The following ITGB6 variants were observed in gnomAD, a reference collection of about 807,000 sequenced individuals.
ITGB6 encodes integrin beta-6.
Under a neutral mutation model 84.5 loss-of-function variants are expected in ITGB6, and 80 were observed. That is an observed-to-expected ratio of 0.95 (90% CI 0.79 to 1.14). The LOEUF (loss-of-function observed/expected upper bound fraction) is 1.14, where lower values mean the gene tolerates loss of function less well. Among genes scored for constraint, ITGB6 ranks in the 50% most tolerant of loss-of-function variants. The pLI, the probability that ITGB6 is intolerant of heterozygous loss-of-function variation, is 0.00. For synonymous variants in ITGB6, 383 were observed against 354.9 expected, an observed-to-expected ratio of 1.08 and a Z score of -0.89; for missense variants, 1,006 against 968.0, an observed-to-expected ratio of 1.04 and a Z score of -0.52.
intron 12 of ITGB6, among the ~76,000 whole-genome samples, chr2:160,115,383 C>T (rs999469749): frequency 1.3e-5 from 2 of 152,226 alleles, no homozygotes; most frequent in Non-Finnish European, 2.9e-5. Flanking sequence ...GCCACCGCTG[C>T]TGATACCCAG....
At chr2:160,155,553 A>C (rs1259738834) in intron 7 of ITGB6, among the ~76,000 whole-genome samples, 2 of 152,192 alleles carry the variant, frequency 1.3e-5, no homozygotes, top group Non-Finnish European at 2.9e-5. Context: ...ACATTTATGG[A>C]GAGAGTAGGT....
At chr2:160,152,763 A>G (rs545707463) in intron 7 of ITGB6, among the ~76,000 whole-genome samples, 21 of 152,330 alleles carry the variant, frequency 1.4e-4, no homozygotes, top group African/African-American at 5.1e-4. Context: ...CAGGATAGAA[A>G]ATCAATGTCC....
chr2:160,147,733 G>C (rs1407347362), intron 7 of ITGB6, among the ~76,000 whole-genome samples: 1 of 152,140 alleles, frequency 6.6e-6, no homozygotes, highest in Non-Finnish European at 1.5e-5. Context: ...AGCAAGGGTA[G>C]TCTTTTCAAC....
At chr2:160,193,135 A>G (rs1287468459) in intron 4 of ITGB6, among the ~76,000 whole-genome samples, 1 of 152,204 alleles carries the variant, frequency 6.6e-6, no homozygotes, top group African/African-American at 2.4e-5. Flanking sequence ...TTAGGTGTCT[A>G]TCAAAGAGAA....
chr2:160,173,966 C>A lies in ITGB6; in HGVS notation c.759+8G>T, dbSNP rs1685313349. The A allele has an allele frequency of 6.2e-7, 1 of 1,609,116 alleles. No homozygotes were observed. On this transcript the variant is annotated splice_region_variant and intron_variant, in intron 5 of 14. Coordinates refer to ENST00000283249, the MANE Select transcript of ITGB6 (RefSeq NM_000888.5). ...TAACAGAGTGAAACAGCACTCCCTT[C>A]AGCATACCTTACACACAGCAGCTTG...
At chr2:160,165,358 C>T (rs1379185323) in intron 7 of ITGB6, among the ~76,000 whole-genome samples, 1 of 152,072 alleles carries the variant, frequency 6.6e-6, no homozygotes, top group East Asian at 1.9e-4. Context: ...TTTTTTATTG[C>T]CTAAAAACTG....
In ITGB6 at chr2:160,137,705, G is replaced by A. The variant is rs41264219; in HGVS notation, c.1389C>T (p.Asn463=). The change falls in exon 10 of 15, where the codon AAC becomes AAT. Residue 463 remains asparagine (N), a synonymous_variant. Coordinates refer to ENST00000283249, the MANE Select transcript of ITGB6 (RefSeq NM_000888.5). ...CGTTCCCGTGGTGACATTTGGAGCTGTTCACTTCCACTTCTTTCTGACAGT... is the reference window on the plus strand; with the variant it reads ...CGTTCCCGTGGTGACATTTGGAGCTATTCACTTCCACTTCTTTCTGACAGT... ...NCDCQKEVEV[N]SSKCHHGNGS... is the part of the protein sequence containing the mutation. The A allele has an allele frequency of 8.7e-5, 140 of 1,614,204 alleles. No individual in the cohort carries two copies. The highest frequency in any genetic ancestry group is 1.1e-4 in the Non-Finnish European group (135 of 1,180,030).
At chr2:160,137,394 T>A in intron 10 of ITGB6, 40 bp downstream of exon 10, 1 of 1,564,990 alleles carries the variant, frequency 6.4e-7, no homozygotes, top group Non-Finnish European at 8.7e-7. Flanking sequence ...TGCTGATACT[T>A]GAGCAGCCAC....
intron 4 of ITGB6, among the ~76,000 whole-genome samples, chr2:160,176,934 C>T (rs1045822612): frequency 6.6e-6 from 1 of 152,092 alleles, no homozygotes; most frequent in African/African-American, 2.4e-5. Context: ...TATAGTGATC[C>T]TTCTACATAC....
At chr2:160,149,981 T>C (rs1684347725) in intron 7 of ITGB6, among the ~76,000 whole-genome samples, 1 of 152,214 alleles carries the variant, frequency 6.6e-6, no homozygotes, top group Admixed American at 6.5e-5. Context: ...CTATGTCTGA[T>C]TGGTGTACCT....
In ITGB6 at chr2:160,199,347, AAAC is replaced by A. The variant is rs1295185036; in HGVS notation, c.62-92_62-90del. The A allele has an allele frequency of 1.4e-5, 13 of 926,414 alleles. No individual in the cohort carries two copies. The East Asian group carries it at 2.9e-4, about 21-fold the overall frequency. The allele number at this position is 926,414 out of a possible 1,614,324, so 57.4% of individuals were successfully genotyped here. A position where few individuals can be genotyped will look rare whatever the true frequency, so the allele number is the denominator to read the frequency against. On this transcript the variant is annotated intron_variant, in intron 1 of 14. Coordinates refer to ENST00000283249, the MANE Select transcript of ITGB6 (RefSeq NM_000888.5). ...TGATGGCTCTTACATTACTTGAACA[AAAC>A]AACATCAAAGTTTAGTTTAGTATCC...
intron 10 of ITGB6, among the ~76,000 whole-genome samples, chr2:160,133,813 CATAACA>C (rs1425316429): frequency 6.6e-6 from 1 of 152,110 alleles, no homozygotes; most frequent in African/African-American, 2.4e-5. Flanking sequence ...CTACTGCGTA[CATAACA>C]AAATGAAGGC....
At chr2:160,160,588 T>C (rs1684778722) in intron 7 of ITGB6, among the ~76,000 whole-genome samples, 1 of 152,326 alleles carries the variant, frequency 6.6e-6, no homozygotes, top group South Asian at 2.1e-4. Context: ...CTTTTCTGGA[T>C]AATCAGACAT....
chr2:160,135,358 A>T (rs1267600971), intron 10 of ITGB6, among the ~76,000 whole-genome samples: 1 of 151,786 alleles, frequency 6.6e-6, no homozygotes, highest in African/African-American at 2.4e-5. Flanking sequence ...GATGTGAAGG[A>T]CCTCTTCAAG....
intron 7 of ITGB6, among the ~76,000 whole-genome samples, chr2:160,162,387 T>TAC (rs913177962): frequency 2.0e-5 from 3 of 152,040 alleles, no homozygotes; most frequent in Non-Finnish European, 2.9e-5. Flanking sequence ...TGTATATATA[T>TAC]ACACACACAC....
At chr2:160,143,809 C>T (rs1463684594) in intron 7 of ITGB6, among the ~76,000 whole-genome samples, 1 of 151,970 alleles carries the variant, frequency 6.6e-6, no homozygotes, top group Non-Finnish European at 1.5e-5. Flanking sequence ...ACAAAGAGAA[C>T]CAAGGAGAGG....
At chr2:160,122,658 T>G (rs1214235153) in intron 12 of ITGB6, among the ~76,000 whole-genome samples, 5 of 152,192 alleles carry the variant, frequency 3.3e-5, no homozygotes, top group Non-Finnish European at 1.5e-5. Flanking sequence ...TACTGCTATT[T>G]GGCATGTTTA....
intron 7 of ITGB6, among the ~76,000 whole-genome samples, chr2:160,149,239 A>T (rs962366688): frequency 2.6e-5 from 4 of 151,654 alleles, no homozygotes; most frequent in African/African-American, 9.7e-5. Context: ...CCTCTGGGAC[A>T]GAGCTTCCAG....
chr2:160,200,160 A>G lies in ITGB6; in HGVS notation c.-97T>C, dbSNP rs1686503147. 6.2e-6 allele frequency: 6 copies of G among 960,802 alleles called. No individual in the cohort carries two copies. Among genetic ancestry groups the G allele is most frequent in the South Asian group, 1.4e-5 (1 of 69,938 alleles). 59.5% of individuals were successfully genotyped at this position (960,802 alleles called of 1,614,324 possible). Reference sequence around the variant, plus strand: ...TATCGTTAAAGTCTTTCTTTCTTGAAGTATAACATTTTAAATACTACTTAC... The same window carrying G: ...TATCGTTAAAGTCTTTCTTTCTTGAGGTATAACATTTTAAATACTACTTAC... On this transcript the variant is annotated 5_prime_UTR_variant, in exon 1 of 15. Coordinates refer to ENST00000283249, the MANE Select transcript of ITGB6 (RefSeq NM_000888.5).
Sources: gnomAD v4.1 joint callset for allele counts (sites outside exome capture counted in the v4.1 genomes callset) on GRCh38, gnomAD v4.1.1 for gene constraint, MANE v1.5 for transcripts, NCBI Gene and HGNC (gene_info 2026-07-23, HGNC 2026-07-21) for gene names.